CEP128: variants seen among roughly 807,000 people sequenced by gnomAD.
The protein encoded by CEP128 is centrosomal protein 128.
In CEP128, 132 loss-of-function variants were observed where a neutral mutation model predicts 156.7. The ratio of observed to expected loss-of-function variants is 0.84; its 90% CI spans 0.73 to 0.97. The LOEUF is 0.97. Ranked by LOEUF, CEP128 falls within the 50% of genes least tolerant of loss-of-function variation. The pLI is 0.00. For missense variants in CEP128, 1,252 were observed against 1,281.9 expected (o/e 0.98, Z 0.36); for synonymous variants, 469 against 448.9 (o/e 1.04, Z -0.57).
intron 24 of CEP128, among the ~76,000 whole-genome samples, chr14:80,502,667 T>C: frequency 6.6e-6 from 1 of 152,156 alleles, no homozygotes; most frequent in East Asian, 1.9e-4. Context: ...TTAAATGTAG[T>C]GGATTTAATA....
chr14:80,487,386 G>C (rs1408205987), downstream of CEP128, among the ~76,000 whole-genome samples: 1 of 152,148 alleles, frequency 6.6e-6, no homozygotes, highest in African/African-American at 2.4e-5. Context: ...CAAGTCCTTA[G>C]TGACCTACAA....
chr14:80,900,362 A>G (rs372378160), intron 6 of CEP128, among the ~76,000 whole-genome samples: 27 of 152,346 alleles, frequency 1.8e-4, no homozygotes, highest in Middle Eastern at 3.4e-3. Context: ...CCGGTCTGCC[A>G]ATTTTTCTGT....
At chr14:80,906,181 G>A in intron 4 of CEP128, 100 bp from the exon 5 acceptor site, 3 of 905,350 alleles carry the variant, frequency 3.3e-6, no homozygotes, top group Non-Finnish European at 4.6e-6. Flanking sequence ...AAATATCTGG[G>A]TTCCCCCCAA....
chr14:80,918,528 T>C (rs1884682476), intron 2 of CEP128, among the ~76,000 whole-genome samples: 1 of 152,220 alleles, frequency 6.6e-6, no homozygotes, highest in Admixed American at 6.5e-5. Context: ...CTAAAAGATA[T>C]TAAATAATAT....
intron 8 of CEP128, among the ~76,000 whole-genome samples, chr14:80,883,016 T>C (rs1026453770): frequency 1.2e-4 from 18 of 152,176 alleles, no homozygotes; most frequent in African/African-American, 4.3e-4. Context: ...AATAAGAATT[T>C]AATTGTACAT....
intron 19 of CEP128, among the ~76,000 whole-genome samples, chr14:80,655,570 C>T (rs1273604865): frequency 6.6e-6 from 1 of 152,140 alleles, no homozygotes; most frequent in Non-Finnish European, 1.5e-5. Flanking sequence ...ATGACCCAGG[C>T]CTTGCCATTC....
intron 14 of CEP128, among the ~76,000 whole-genome samples, chr14:80,484,225 G>A (rs554749667): frequency 2.8e-4 from 42 of 152,176 alleles, no homozygotes; most frequent in Non-Finnish European, 5.7e-4. Flanking sequence ...CAATCTGCCT[G>A]CCTCGGCCTC....
At chr14:80,855,652 G>A (rs1278247902) in intron 9 of CEP128, among the ~76,000 whole-genome samples, 2 of 151,138 alleles carry the variant, frequency 1.3e-5, no homozygotes, top group Non-Finnish European at 3.0e-5. Flanking sequence ...ACCTTGAAAA[G>A]GTAAGCAAAG....
At chr14:80,865,869 A>T (rs903205899) in intron 8 of CEP128, among the ~76,000 whole-genome samples, 2 of 152,126 alleles carry the variant, frequency 1.3e-5, no homozygotes, top group Non-Finnish European at 2.9e-5. Context: ...AATCCTGACA[A>T]TGGCTTGTCA....
intron 19 of CEP128, among the ~76,000 whole-genome samples, chr14:80,676,315 T>A (rs1031106969): frequency 2.0e-5 from 3 of 152,152 alleles, no homozygotes. Flanking sequence ...ATGTTTTCCT[T>A]TCTGAAGATG....
chr14:80,839,504 AACACAC>A lies in CEP128; in HGVS notation c.849+1172_849+1177del, dbSNP rs367547508. On this transcript the variant is annotated intron_variant, in intron 10 of 24. Transcript: ENST00000555265. ...ATAAAAATGGACTGAACTTCACACAAACACACACACACACACACAAATACAAATGAG... is the reference window on the plus strand; with the variant it reads ...ATAAAAATGGACTGAACTTCACACAAACACACACACACAAATACAAATGAG... 1.3e-4 allele frequency among the ~76,000 whole-genome samples: 19 copies of A among 150,550 alleles called. No homozygotes were observed. In the East Asian group the frequency reaches 1.8e-3, roughly 14 times the overall value.
intron 18 of CEP128, among the ~76,000 whole-genome samples, chr14:80,745,872 A>C (rs1421152959): frequency 6.6e-6 from 1 of 152,070 alleles, no homozygotes; most frequent in African/African-American, 2.4e-5. Context: ...ATTCCATTAA[A>C]AAAATCTATT....
intron 13 of CEP128, among the ~76,000 whole-genome samples, chr14:80,821,600 TAC>T (rs71103885): frequency 0.2 from 28,705 of 145,072 alleles, 3,411 homozygotes; most frequent in East Asian, 0.4. Flanking sequence ...CATACACACA[TAC>T]ACACACACAC....
At chr14:80,683,318 A>G (rs978719956) in intron 19 of CEP128, among the ~76,000 whole-genome samples, 1 of 152,190 alleles carries the variant, frequency 6.6e-6, no homozygotes, top group Non-Finnish European at 1.5e-5. Flanking sequence ...AGGGATCACA[A>G]TTCTTATATT....
intron 6 of CEP128, among the ~76,000 whole-genome samples, chr14:80,901,804 A>G (rs1470946208): frequency 6.6e-6 from 1 of 152,168 alleles, no homozygotes; most frequent in Non-Finnish European, 1.5e-5. Context: ...CCAAGTGACC[A>G]TCAATTCACA....
intron 15 of CEP128, among the ~76,000 whole-genome samples, chr14:80,783,233 T>C (rs1001926981): frequency 2.0e-5 from 3 of 152,218 alleles, no homozygotes; most frequent in Admixed American, 6.5e-5. Context: ...CTGTATTCTC[T>C]ATGTTGGCAA....
chr14:80,647,656 C>T (rs564838769), intron 19 of CEP128, among the ~76,000 whole-genome samples: 4 of 152,138 alleles, frequency 2.6e-5, no homozygotes, highest in Admixed American at 6.5e-5. Context: ...CTGATTGTCA[C>T]GACTGGGGAG....
intron 13 of CEP128, among the ~76,000 whole-genome samples, chr14:80,823,158 A>C (rs1027740381): frequency 1.4e-4 from 21 of 152,200 alleles, no homozygotes; most frequent in African/African-American, 4.1e-4. Context: ...CTTTCAGCAA[A>C]GACTTAACTC....
At chr14:80,754,000 C>G (rs1026397932) in intron 18 of CEP128, among the ~76,000 whole-genome samples, 8 of 152,162 alleles carry the variant, frequency 5.3e-5, no homozygotes, top group African/African-American at 1.9e-4. Context: ...ACTGGTTTCT[C>G]TACCTCAAAT....
Sources: allele counts gnomAD v4.1 joint callset (sites outside exome capture counted in the v4.1 genomes callset), GRCh38; gene constraint gnomAD v4.1.1; transcripts MANE v1.5; gene names NCBI Gene and HGNC (gene_info 2026-07-23, HGNC 2026-07-21).